The following UBR2 variants were observed in gnomAD, a reference collection of about 807,000 sequenced individuals.
The protein encoded by UBR2 is ubiquitin protein ligase E3 component n-recognin 2, also known as E3 ubiquitin-protein ligase UBR2.
UBR2 carries 92 observed loss-of-function variants against 247.9 expected under a neutral mutation model. That is an observed-to-expected ratio of 0.37 (90% CI 0.31 to 0.44). The LOEUF (loss-of-function observed/expected upper bound fraction) is 0.44, where lower values mean the gene tolerates loss of function less well. UBR2 is among the 20% of genes least tolerant of loss of function. UBR2 has a pLI of 1.00. For synonymous variants in UBR2, 672 were observed against 693.5 expected (o/e 0.97, Z 0.49); for missense variants, 1,613 against 2,112.6 (o/e 0.76, Z 4.64).
chr6:42,657,376 C>A (rs1252584232), intron 26 of UBR2, among the ~76,000 whole-genome samples: 1 of 152,114 alleles, frequency 6.6e-6, no homozygotes, highest in Non-Finnish European at 1.5e-5. Context: ...CCAAAGAAAC[C>A]TCTCCCTTAT....
chr6:42,577,924 A>T (rs1791628428), intron 2 of UBR2, among the ~76,000 whole-genome samples: 1 of 151,700 alleles, frequency 6.6e-6, no homozygotes, highest in African/African-American at 2.4e-5. Context: ...TTACTTTAAT[A>T]GTGGTTTGTA....
chr6:42,681,111 C>T (rs1013350144), intron 42 of UBR2, among the ~76,000 whole-genome samples: 4 of 145,376 alleles, frequency 2.8e-5, no homozygotes, highest in South Asian at 2.2e-4. Flanking sequence ...TGCAGTGAGC[C>T]GAGATCATGC....
chr6:42,634,562 C>A (rs1406229710), intron 13 of UBR2, among the ~76,000 whole-genome samples: 2 of 152,236 alleles, frequency 1.3e-5, no homozygotes, highest in South Asian at 2.1e-4. Context: ...TCAAGCAATT[C>A]TTCTGCCTCA....
intron 12 of UBR2, 34 bp downstream of exon 12, chr6:42,632,749 A>G (rs769100962): frequency 6.3e-6 from 10 of 1,592,018 alleles, no homozygotes; most frequent in African/African-American, 4.1e-5. Context: ...ACCAGTTGCA[A>G]TTTATAGAAA....
At chr6:42,633,906 T>C (rs1431798046) in intron 13 of UBR2, among the ~76,000 whole-genome samples, 2 of 151,486 alleles carry the variant, frequency 1.3e-5, no homozygotes, top group Non-Finnish European at 2.9e-5. Context: ...ATTTTTTGTA[T>C]TTTTAGTAGA....
chr6:42,573,631 A>G (rs1304837960), intron 1 of UBR2, 103 bp from the exon 2 acceptor site: 25 of 1,288,930 alleles, frequency 1.9e-5, no homozygotes, highest in Admixed American at 2.8e-5. Flanking sequence ...ATATTTTAAT[A>G]TGCTTTTGTC....
At position 42,649,078 on chromosome 6, in the gene UBR2, GC is replaced by G. The variant is rs1334945564; in HGVS notation, c.2462+909del. Among the ~76,000 whole-genome samples, 28 of 152,196 alleles carry G rather than the reference GC, an allele frequency of 1.8e-4. 1 individual carries two copies. In the East Asian group the frequency reaches 5.2e-3, roughly 28 times the overall value. On this transcript the variant is annotated intron_variant, in intron 22 of 46. Coordinates refer to ENST00000372901, the MANE Select transcript of UBR2 (RefSeq NM_001363705.2). ...ACTCAAGTGCAGTGGCACGGTCTTGGCTCACTGCAACCTCCGCCTCCTAGGT... is the reference window on the plus strand; with the variant it reads ...ACTCAAGTGCAGTGGCACGGTCTTGGTCACTGCAACCTCCGCCTCCTAGGT...
intron 1 of UBR2, among the ~76,000 whole-genome samples, chr6:42,569,562 C>G (rs78908513): frequency 0.014 from 2,092 of 152,030 alleles, 43 homozygotes; most frequent in African/African-American, 0.049. Context: ...TAAAATTTTT[C>G]TCAATATATT....
At chr6:42,683,589 C>T (rs1268408587) in intron 43 of UBR2, among the ~76,000 whole-genome samples, 1 of 152,126 alleles carries the variant, frequency 6.6e-6, no homozygotes, top group East Asian at 1.9e-4. Context: ...TCTACCAGAT[C>T]CTAACAAGAT....
chr6:42,621,871 T>C lies in UBR2; in HGVS notation c.1281+4364T>C, dbSNP rs141900651. 8.5e-5 allele frequency among the ~76,000 whole-genome samples: 13 copies of C among 152,372 alleles called. No homozygotes were observed. The East Asian group carries it at 2.5e-3, about 29-fold the overall frequency. On this transcript the variant is annotated intron_variant, in intron 11 of 46. Transcript: ENST00000372901. ...ATATTTTGATTGAGATTGAAATTAA[T>C]CTCTCCTTCAGTTTAGGAAGAATTG...
intron 1 of UBR2, among the ~76,000 whole-genome samples, chr6:42,568,232 A>G (rs1295926832): frequency 6.6e-6 from 1 of 152,106 alleles, no homozygotes; most frequent in Non-Finnish European, 1.5e-5. Context: ...ACTATGATCA[A>G]TTTTGGGACA....
chr6:42,636,379 G>C (rs546502728), intron 14 of UBR2, among the ~76,000 whole-genome samples: 4 of 151,848 alleles, frequency 2.6e-5, no homozygotes, highest in Non-Finnish European at 5.9e-5. Context: ...GGGCTTCGCC[G>C]TGTTACCCAG....
At chr6:42,660,798 C>T (rs949573346) in intron 30 of UBR2, among the ~76,000 whole-genome samples, 9 of 150,988 alleles carry the variant, frequency 6.0e-5, no homozygotes, top group African/African-American at 2.2e-4. Flanking sequence ...CCCATCTCTA[C>T]TAATAGTACA....
chr6:42,618,768 G>A (rs1794716207), intron 11 of UBR2, among the ~76,000 whole-genome samples: 1 of 152,216 alleles, frequency 6.6e-6, no homozygotes, highest in Non-Finnish European at 1.5e-5. Context: ...CTGGGATGCT[G>A]AAAGTGGATA....
chr6:42,607,409 C>T (rs1216797962), intron 7 of UBR2, among the ~76,000 whole-genome samples: 1 of 152,042 alleles, frequency 6.6e-6, no homozygotes, highest in African/African-American at 2.4e-5. Context: ...CTCAAGTGAT[C>T]CACCCACCTC....
chr6:42,637,377 A>G (rs1430839519), intron 15 of UBR2, among the ~76,000 whole-genome samples, 183 bp downstream of exon 15: 1 of 152,192 alleles, frequency 6.6e-6, no homozygotes, highest in East Asian at 1.9e-4. Context: ...CATAGATGGG[A>G]AGACAGAGGC....
rs1452582796 is a variant in UBR2 at position 42,619,428 on chromosome 6, TATATATATATATATATATATATATA to T, written c.1281+1922_1281+1946del. The T allele has an allele frequency of 4.3e-4, 7 of 16,274 alleles. 1 individual carries two copies. Among genetic ancestry groups the T allele is most frequent in the Non-Finnish European group, 5.8e-4 (5 of 8,550 alleles). 1.0% of individuals were successfully genotyped at this position (16,274 alleles called of 1,614,324 possible). A position where few individuals can be genotyped will look rare whatever the true frequency, so the allele number is the denominator to read the frequency against. ...CGTTATGAACATATATATATATATA[TATATATATATATATATATATATATA>T]TTTTTTTTTTTTAGTTCTCTATCTC... On this transcript the variant is annotated intron_variant, in intron 11 of 46. Coordinates refer to ENST00000372901, the MANE Select transcript of UBR2 (RefSeq NM_001363705.2).
chr6:42,617,088 A>G, intron 10 of UBR2: 1 of 652,244 alleles, frequency 1.5e-6, no homozygotes, highest in South Asian at 1.9e-5. Context: ...GTGAATCAAT[A>G]TCTATACAGG....
At chr6:42,578,958 A>AACAAACACACAC (rs1415279279) in intron 2 of UBR2, among the ~76,000 whole-genome samples, 189 of 116,376 alleles carry the variant, frequency 1.6e-3, no homozygotes, top group African/African-American at 6.5e-3. Context: ...CCATCTCAAA[A>AACAAACACACAC]ACACACACAC....
Sources: gnomAD v4.1 joint callset for allele counts (sites outside exome capture counted in the v4.1 genomes callset) on GRCh38, gnomAD v4.1.1 for gene constraint, MANE v1.5 for transcripts, NCBI Gene and HGNC (gene_info 2026-07-23, HGNC 2026-07-21) for gene names.